Variants in ADGRF1 observed in about 807,000 individuals in gnomAD.
ADGRF1 encodes G protein-coupled receptor 110.
A neutral mutation model predicts 87.2 loss-of-function variants in ADGRF1; 85 were observed. That is an observed-to-expected ratio of 0.97 (90% CI 0.82 to 1.17). The LOEUF (loss-of-function observed/expected upper bound fraction) is 1.17, where lower values mean the gene tolerates loss of function less well. Among genes scored for constraint, ADGRF1 ranks in the 50% most tolerant of loss-of-function variants. The pLI is 0.00. For synonymous variants in ADGRF1, 430 were observed against 408.8 expected (o/e 1.05, Z -0.63); for missense variants, 1,169 against 1,077.2 (o/e 1.09, Z -1.19).
intron 7 of ADGRF1, chr6:47,018,466 G>T: frequency 7.8e-7 from 1 of 1,289,734 alleles, no homozygotes; most frequent in Non-Finnish European, 1.0e-6. Flanking sequence ...TTTGCTTAAT[G>T]ATGGTCACAA....
intron 9 of ADGRF1, chr6:47,012,583 G>T: frequency 1.2e-6 from 1 of 823,298 alleles, no homozygotes; most frequent in African/African-American, 1.9e-5. Flanking sequence ...AGAAACTCAT[G>T]TTCAATGAGA....
chr6:47,020,226 G>A, intron 7 of ADGRF1: 1 of 1,265,358 alleles, frequency 7.9e-7, no homozygotes, highest in Non-Finnish European at 9.9e-7. Context: ...AGATGTGGTG[G>A]CTCATGCCTG....
intron 1 of ADGRF1, among the ~76,000 whole-genome samples, chr6:47,036,556 G>A (rs902474195): frequency 6.6e-6 from 1 of 152,106 alleles, no homozygotes; most frequent in Non-Finnish European, 1.5e-5. Flanking sequence ...TACATAAATG[G>A]TCAGATTAAA....
chr6:47,010,056 A>G lies in ADGRF1; in HGVS notation c.1379T>C (p.Ile460Thr). 6.2e-7 allele frequency: 1 copy of G among 1,614,106 alleles called. No homozygotes were observed. Among genetic ancestry groups the G allele is most frequent in the Non-Finnish European group, 8.5e-7 (1 of 1,180,024 alleles). ...TGACCCAATTAACACACGGCCTCTG[A>G]TGGGAATAGATGTATTTTGGGGACA... ...KMCPQNTSIP[I>T]RGRVLIGSDQ... The change falls in exon 11 of 15, where the codon ATC (isoleucine) becomes ACC (threonine). Residue 460 changes from isoleucine (I) to threonine (T), a missense_variant. Transcript: ENST00000371253.
At chr6:47,032,609 C>G (rs542066910) in intron 1 of ADGRF1, among the ~76,000 whole-genome samples, 5 of 152,140 alleles carry the variant, frequency 3.3e-5, no homozygotes, top group Non-Finnish European at 2.9e-5. Flanking sequence ...CAACTGGATG[C>G]CCTTTGGAAT....
chr6:47,039,317 T>C (rs1429873991), intron 1 of ADGRF1, among the ~76,000 whole-genome samples: 1 of 152,232 alleles, frequency 6.6e-6, no homozygotes, highest in Non-Finnish European at 1.5e-5. Context: ...TTGCTGCTCA[T>C]CTCTGCATTT....
At chr6:47,008,844 G>T in intron 11 of ADGRF1, 101 bp downstream of exon 11, 1 of 983,594 alleles carries the variant, frequency 1.0e-6, no homozygotes, top group Non-Finnish European at 1.5e-6. Context: ...TCTTGCTGGA[G>T]GCAGGGAGAT....
Position 47,010,236 on chromosome 6 carries a change from G to A in ADGRF1, c.1199C>T (p.Ala400Val). The change falls in exon 11 of 15, where the codon GCC becomes GTC. Residue 400 changes from alanine to valine, a missense_variant. By Grantham distance (64) the Ala-to-Val change is moderately conservative. Transcript: ENST00000371253. ...WTVLLREEKYASSRLLETLEN... is the reference protein window; with the variant it reads ...WTVLLREEKYVSSRLLETLEN... ...TAATGTCTCTAGTAACCGTGAGCTG[G>A]CATACTTTTCTTCCCGCAGTAAGAC... The A allele has an allele frequency of 6.2e-7, 1 of 1,613,848 alleles. No individual in the cohort carries two copies. The highest frequency in any genetic ancestry group is 8.5e-7 in the Non-Finnish European group (1 of 1,179,890).
chr6:47,023,948 A>T (rs1279170130), intron 5 of ADGRF1, 96 bp downstream of exon 5: 1 of 1,134,836 alleles, frequency 8.8e-7, no homozygotes, highest in Admixed American at 2.5e-5. Context: ...CTCCCTGTAA[A>T]CAAACATTGA....
chr6:47,033,909 G>T (rs970489745), intron 1 of ADGRF1, among the ~76,000 whole-genome samples: 2 of 152,198 alleles, frequency 1.3e-5, no homozygotes, highest in African/African-American at 4.8e-5. Context: ...ATGGTTGGAG[G>T]TTTGGTAAGT....
intron 3 of ADGRF1, among the ~76,000 whole-genome samples, chr6:47,026,209 T>C (rs1460504860): frequency 6.6e-6 from 1 of 152,062 alleles, no homozygotes; most frequent in African/African-American, 2.4e-5. Context: ...CAAATATACG[T>C]CTGTCCTCTC....
Position 47,009,879 on chromosome 6 carries a change from A to G in ADGRF1, c.1556T>C (p.Phe519Ser). Reference sequence around the variant, plus strand: ...TGACTCTATCTTGGAAAAAAATAGGAAAACTTCATTTATGGAATAGTTTTG... The same window carrying G: ...TGACTCTATCTTGGAAAAAAATAGGGAAACTTCATTTATGGAATAGTTTTG... Reference protein sequence around the residue: ...VIQNYSINEVFLFFSKIESNL... With the variant: ...VIQNYSINEVSLFFSKIESNL... Residue 519 changes from phenylalanine (F) to serine (S), a missense_variant, in exon 11 of 15, where the codon TTC becomes TCC. Physicochemically the swap from Phe to Ser is radical, Grantham distance 155. Coordinates refer to ENST00000371253, the MANE Select transcript of ADGRF1 (RefSeq NM_153840.4). 4 of 1,614,032 alleles carry G rather than the reference A, an allele frequency of 2.5e-6. No homozygotes were observed. The highest frequency in any genetic ancestry group is 3.4e-6 in the Non-Finnish European group (4 of 1,179,908).
In ADGRF1 at chr6:47,014,489, ACT is replaced by A. The variant is rs1242553788; in HGVS notation, c.927+190_927+191del. 1.2e-5 allele frequency: 16 copies of A among 1,337,736 alleles called. No individual in the cohort carries two copies. The East Asian group carries it at 3.8e-4, about 32-fold the overall frequency. The allele number at this position is 1,337,736 out of a possible 1,614,324, so 82.9% of individuals were successfully genotyped here. A position where few individuals can be genotyped will look rare whatever the true frequency, so the allele number is the denominator to read the frequency against. On this transcript the variant is annotated intron_variant, in intron 9 of 14. Coordinates refer to ENST00000371253, the MANE Select transcript of ADGRF1 (RefSeq NM_153840.4). ...CTCTGTCTTTTGAGCTGCAACCTAG[ACT>A]CTGCTGCCCAGACGCTACCACTCAT... is the stretch of plus-strand genomic sequence containing the variant.
chr6:47,019,820 T>A (rs921049668), intron 7 of ADGRF1: 2 of 984,480 alleles, frequency 2.0e-6, no homozygotes, highest in African/African-American at 3.5e-5. Flanking sequence ...AGATTATTAA[T>A]AGTTGGTAAT....
rs371309909 is a variant in ADGRF1, at chr6:47,020,751, C to T, written c.591G>A (p.Ser197=). The T allele has an allele frequency of 2.0e-5, 33 of 1,613,750 alleles. No individual in the cohort carries two copies. Among genetic ancestry groups the T allele is most frequent in the East Asian group, 2.2e-5 (1 of 44,888 alleles). Residue 197 remains serine (S), a synonymous_variant, in exon 7 of 15, where the codon TCG becomes TCA. Transcript: ENST00000371253. ...KAYERIQGFE[S]VQVTQFRNGS... ...CTTACCGAAATTGGGTGACCTGAAC[C>T]GACTCAAAACCTTGAATTCTTTCAT...
intron 10 of ADGRF1, among the ~76,000 whole-genome samples, chr6:47,011,217 A>C (rs1432210385): frequency 6.6e-6 from 1 of 152,254 alleles, no homozygotes; most frequent in African/African-American, 2.4e-5. Context: ...TTTTAAAAAA[A>C]CAAATTGGAG....
rs946689416 is a variant in ADGRF1 at position 46,997,731 on chromosome 6, T to C, written c.*2491A>G. ...TATTCACTTTTTCATTATTTTATTG[T>C]TGTTTTAGTAGCATTTTGAGGTGAA... On this transcript the variant is annotated 3_prime_UTR_variant, in exon 15 of 15. Coordinates refer to ENST00000371253, the MANE Select transcript of ADGRF1 (RefSeq NM_153840.4). The C allele has an allele frequency of 1.3e-5, 2 of 152,224 alleles. No homozygotes were observed. Among genetic ancestry groups the C allele is most frequent in the African/African-American group, 4.8e-5 (2 of 41,454 alleles). The allele number at this position is 152,224 out of a possible 1,614,324, so 9.4% of individuals were successfully genotyped here. A position where few individuals can be genotyped will look rare whatever the true frequency, so the allele number is the denominator to read the frequency against.
intron 1 of ADGRF1, among the ~76,000 whole-genome samples, chr6:47,038,683 TC>T (rs1288378866): frequency 4.6e-5 from 7 of 152,230 alleles, no homozygotes; most frequent in Non-Finnish European, 8.8e-5. Context: ...TAGAATTTAT[TC>T]CCCCTGTCTA....
chr6:47,035,907 A>T (rs1363947632), intron 1 of ADGRF1, among the ~76,000 whole-genome samples: 1 of 152,190 alleles, frequency 6.6e-6, no homozygotes, highest in Non-Finnish European at 1.5e-5. Flanking sequence ...CCTAGAGCAG[A>T]GAGAGAGGGA....
Sources: allele counts gnomAD v4.1 joint callset (sites outside exome capture counted in the v4.1 genomes callset), GRCh38; gene constraint gnomAD v4.1.1; transcripts MANE v1.5; gene names NCBI Gene and HGNC (gene_info 2026-07-23, HGNC 2026-07-21).